The following SLC25A35 variants were observed in gnomAD, a reference collection of about 807,000 sequenced individuals.
The protein encoded by SLC25A35 is solute carrier family 25, member 35.
In SLC25A35, 32 loss-of-function variants were observed where a neutral mutation model predicts 30.5. The ratio of observed to expected loss-of-function variants is 1.05; its 90% CI spans 0.79 to 1.41. The LOEUF (loss-of-function observed/expected upper bound fraction) is 1.41. Among genes scored for constraint, SLC25A35 ranks in the 40% most tolerant of loss-of-function variants. SLC25A35 has a pLI of 0.00. For synonymous variants in SLC25A35, 142 were observed against 158.1 expected (o/e 0.90, Z 0.77); for missense variants, 369 against 388.0 (o/e 0.95, Z 0.41).
At chr17:8,293,915 C>CTTTTTTTTTTTTTT (rs3033784) in intron 1 of SLC25A35, among the ~76,000 whole-genome samples, 3 of 132,378 alleles carry the variant, frequency 2.3e-5, no homozygotes, top group African/African-American at 8.8e-5. Flanking sequence ...AGCCCATAAT[C>CTTTTTTTTTTTTTT]TTTTTTTTTT....
chr17:8,289,436 A>G (rs367844388), downstream of SLC25A35: 1 of 1,614,058 alleles, frequency 6.2e-7, no homozygotes, highest in Non-Finnish European at 8.5e-7. Context: ...AGAGTGTGTA[A>G]TGTCCTGGAA....
chr17:8,295,130 C>T lies in SLC25A35; in HGVS notation c.-323G>A, dbSNP rs1432850634. ...TGGGATGGCTCAGGATGGCGGGCGACGGGAGCACGGGAGTAGAGGAGGGAA... is the reference window on the plus strand; with the variant it reads ...TGGGATGGCTCAGGATGGCGGGCGATGGGAGCACGGGAGTAGAGGAGGGAA... On this transcript the variant is annotated 5_prime_UTR_variant, in exon 1 of 5. Coordinates refer to ENST00000577745, the MANE Select transcript of SLC25A35 (RefSeq NM_001320870.2). The T allele has an allele frequency of 2.0e-5, 21 of 1,071,466 alleles. No individual in the cohort carries two copies. Among genetic ancestry groups the T allele is most frequent in the Non-Finnish European group, 2.4e-5 (21 of 885,236 alleles). The allele number at this position is 1,071,466 out of a possible 1,614,324, so 66.4% of individuals were successfully genotyped here. A position where few individuals can be genotyped will look rare whatever the true frequency, so the allele number is the denominator to read the frequency against.
chr17:8,293,566 T>C (rs77920084), intron 1 of SLC25A35, among the ~76,000 whole-genome samples: 1 of 151,158 alleles, frequency 6.6e-6, no homozygotes, highest in Non-Finnish European at 1.5e-5. Flanking sequence ...TTTTTTTTTT[T>C]TTTGAGACGG....
chr17:8,294,415 C>G lies in SLC25A35; in HGVS notation c.375+18G>C. On this transcript the variant is annotated intron_variant, in intron 1 of 4. Coordinates refer to ENST00000577745, the MANE Select transcript of SLC25A35 (RefSeq NM_001320870.2). Reference sequence around the variant, plus strand: ...GAGGATCTGCCCTGAAGGTCCCAGGCAAGAGCCCTCTTCTTACCATGTAGA... The same window carrying G: ...GAGGATCTGCCCTGAAGGTCCCAGGGAAGAGCCCTCTTCTTACCATGTAGA... The G allele has an allele frequency of 6.5e-7, 1 of 1,543,968 alleles. No individual in the cohort carries two copies. The highest frequency in any genetic ancestry group is 8.7e-7 in the Non-Finnish European group (1 of 1,147,468).
At chr17:8,288,892 G>A (rs1990247391), downstream of SLC25A35, 1 of 1,613,992 alleles carries the variant, frequency 6.2e-7, no homozygotes, top group South Asian at 1.1e-5. Context: ...GCCCAGGGGC[G>A]GCTGACTGGG....
chr17:8,292,157 G>A (rs139507809), intron 2 of SLC25A35, among the ~76,000 whole-genome samples: 22,874 of 152,200 alleles, frequency 0.15, 2,213 homozygotes, highest in Non-Finnish European at 0.22. Context: ...ACTCCAGCCT[G>A]GGCAACAGAG....
chr17:8,290,496 A>G lies in SLC25A35; in HGVS notation c.*9T>C, dbSNP rs2151613011. 6.5e-7 allele frequency: 1 copy of G among 1,535,346 alleles called. No homozygotes were observed. The highest frequency in any genetic ancestry group is 8.7e-7 in the Non-Finnish European group (1 of 1,146,434). ...AGTGCTCATTTGGTGGAGACTGGGA[A>G]AGCGGCTGTTATTTAGTGTCTGTGT... On this transcript the variant is annotated 3_prime_UTR_variant, in exon 5 of 5. Coordinates refer to ENST00000577745, the MANE Select transcript of SLC25A35 (RefSeq NM_001320870.2).
At position 8,294,562 on chromosome 17, in the gene SLC25A35, G is replaced by A. The variant is rs1464717590; in HGVS notation, c.246C>T (p.Gly82=). 1.2e-6 allele frequency: 2 copies of A among 1,614,134 alleles called. No individual in the cohort carries two copies. Among genetic ancestry groups the A allele is most frequent in the East Asian group, 2.2e-5 (1 of 44,878 alleles). ...CCCCAGCCTCAGCCAGCCCATAGGT[G>A]CCCAGTCGGATGCCATTCATCAGGA... ...YQFLMNGIRL[G]TYGLAEAGGY... Residue 82 remains glycine, a synonymous_variant, in exon 1 of 5, where the codon GGC becomes GGT. Transcript: ENST00000577745.
At position 8,295,255 on chromosome 17, in the gene SLC25A35, C is replaced by G. The variant is rs1990781385; in HGVS notation, c.-448G>C. 1 of 989,392 alleles carries G rather than the reference C, an allele frequency of 1.0e-6. No homozygotes were observed. Among genetic ancestry groups the G allele is most frequent in the African/African-American group, 1.7e-5 (1 of 57,340 alleles). The allele number at this position is 989,392 out of a possible 1,614,324, so 61.3% of individuals were successfully genotyped here. On this transcript the variant is annotated 5_prime_UTR_variant, in exon 1 of 5. Transcript: ENST00000577745. ...GAGAAGAGCCGGTGATTTCCTCGAG[C>G]CAGCAACGAGATCTCGATCCGAGAA...
downstream of SLC25A35, chr17:8,289,048 A>T (rs755920517): frequency 2.5e-6 from 4 of 1,613,884 alleles, no homozygotes; most frequent in Admixed American, 5.0e-5. Context: ...CTGCAGGCCC[A>T]CGTACGGGGC....
At position 8,295,383 on chromosome 17, in the gene SLC25A35, C is replaced by T. The variant is rs532057806; in HGVS notation, c.-576G>A. 100 of 984,648 alleles carry T rather than the reference C, an allele frequency of 1.0e-4. No individual in the cohort carries two copies. The highest frequency in any genetic ancestry group is 1.1e-4 in the Non-Finnish European group (95 of 829,328). The allele number at this position is 984,648 out of a possible 1,614,324, so 61.0% of individuals were successfully genotyped here. ...CCCGGGTAGCCTGCGGAGGCCGGGC[C>T]GCCACACTCCTGCCACTGGAGCGCG... is the stretch of plus-strand genomic sequence containing the variant. On this transcript the variant is annotated 5_prime_UTR_variant, in exon 1 of 5. Coordinates refer to ENST00000577745, the MANE Select transcript of SLC25A35 (RefSeq NM_001320870.2).
rs1990750091 is a variant in SLC25A35, at chr17:8,294,713, TCTC to T, written c.92_94del (p.Gly31del). On this transcript the variant is annotated inframe_deletion, in exon 1 of 5. Transcript: ENST00000577745. ...CTGGTATGTGCCAGGGGCCTGCAGTTCTCCTTGCAACTGCATCCTGGTCTTCAC... is the reference window on the plus strand; with the variant it reads ...CTGGTATGTGCCAGGGGCCTGCAGTTCTTGCAACTGCATCCTGGTCTTCAC... 6.2e-7 allele frequency: 1 copy of T among 1,613,996 alleles called. No homozygotes were observed. The highest frequency in any genetic ancestry group is 1.1e-5 in the South Asian group (1 of 91,076).
chr17:8,291,043 C>A, intron 3 of SLC25A35, 67 bp from the exon 4 acceptor site: 4 of 1,589,396 alleles, frequency 2.5e-6, no homozygotes, highest in Non-Finnish European at 3.4e-6. Flanking sequence ...CAGGACAGTC[C>A]CTGCCCTGGG....
Position 8,295,124 on chromosome 17 carries a change from G to A in SLC25A35, c.-317C>T. 1 of 1,089,046 alleles carries A rather than the reference G, an allele frequency of 9.2e-7. No individual in the cohort carries two copies. Among genetic ancestry groups the A allele is most frequent in the Non-Finnish European group, 1.1e-6 (1 of 895,634 alleles). 67.5% of individuals were successfully genotyped at this position (1,089,046 alleles called of 1,614,324 possible). Reference sequence around the variant, plus strand: ...TGCAGGTGGGATGGCTCAGGATGGCGGGCGACGGGAGCACGGGAGTAGAGG... The same window carrying A: ...TGCAGGTGGGATGGCTCAGGATGGCAGGCGACGGGAGCACGGGAGTAGAGG... On this transcript the variant is annotated 5_prime_UTR_variant, in exon 1 of 5. Coordinates refer to ENST00000577745, the MANE Select transcript of SLC25A35 (RefSeq NM_001320870.2).
At chr17:8,292,424 CA>C in intron 2 of SLC25A35, 98 bp downstream of exon 2, 2 of 1,176,408 alleles carry the variant, frequency 1.7e-6, no homozygotes, top group Middle Eastern at 2.5e-4. Flanking sequence ...ATGGGTTGAG[CA>C]GAGCAGTGGC....
At chr17:8,288,147 C>CCACTT (rs1990206400), downstream of SLC25A35, 1 of 158,676 alleles carries the variant, frequency 6.3e-6, no homozygotes, top group East Asian at 1.9e-4. Context: ...TTGAAAAGGA[C>CCACTT]GAGGAGGCCA....
In SLC25A35 at chr17:8,290,839, T is replaced by TA; in HGVS notation, c.729+2dup. On this transcript the variant is annotated splice_region_variant and intron_variant, in intron 4 of 4. Transcript: ENST00000577745. The stretch of plus-strand genomic sequence containing the variant: ...CCGCCTGCATCCCAGAGCACTTCCT[T>TA]ACCTTGCCCTGTGCATCTGTGGGCT... 1.2e-6 allele frequency: 2 copies of TA among 1,613,544 alleles called. No individual in the cohort carries two copies. The highest frequency in any genetic ancestry group is 1.7e-6 in the Non-Finnish European group (2 of 1,179,584).
downstream of SLC25A35, chr17:8,289,449 G>A (rs1486202799): frequency 2.6e-5 from 42 of 1,614,002 alleles, no homozygotes; most frequent in East Asian, 8.9e-4. Flanking sequence ...TCCTGGAAGG[G>A]CGGTAGCGGG....
chr17:8,287,769 A>G (rs1436421623), downstream of SLC25A35: 1 of 152,240 alleles, frequency 6.6e-6, no homozygotes, highest in Non-Finnish European at 1.5e-5. Context: ...TCTGTAAAAG[A>G]CAAACAAAAG....
Sources: allele counts gnomAD v4.1 joint callset (sites outside exome capture counted in the v4.1 genomes callset), GRCh38; gene constraint gnomAD v4.1.1; transcripts MANE v1.5; gene names NCBI Gene and HGNC (gene_info 2026-07-23, HGNC 2026-07-21).